TYW1: variants seen among roughly 807,000 people sequenced by gnomAD.
The protein encoded by TYW1 is tRNA-yW synthesizing protein 1 homolog, also known as S-adenosyl-L-methionine-dependent tRNA 4-demethylwyosine synthase TYW1.
In TYW1, 46 loss-of-function variants were observed where a neutral mutation model predicts 96.2. That is an observed-to-expected ratio of 0.48 (90% CI 0.38 to 0.61). The LOEUF (loss-of-function observed/expected upper bound fraction) is 0.61. TYW1 is among the 20% of genes least tolerant of loss of function. The probability of loss-of-function intolerance (pLI) is 0.00; values close to 1 mark genes in which losing one functional copy is unlikely to be tolerated. For missense variants in TYW1, 684 were observed against 909.6 expected (o/e 0.75, Z 3.19); for synonymous variants, 274 against 323.0 (o/e 0.85, Z 1.63).
intron 7 of TYW1, among the ~76,000 whole-genome samples, chr7:67,042,666 C>G (rs943882963): frequency 2.6e-5 from 4 of 151,890 alleles, no homozygotes; most frequent in African/African-American, 9.7e-5. Context: ...AATGGGTTAG[C>G]GGGTGTGGGG....
Position 66,996,868 on chromosome 7 carries a change from A to C in TYW1, c.-111A>C, listed in dbSNP as rs545432650. The C allele has an allele frequency of 4.8e-4, 765 of 1,580,680 alleles. 3 individuals are homozygous for C. The African/African-American group carries it at 8.7e-3, about 18-fold the overall frequency. ...CATGGCTGCCCACAGGTCTGCAGGC[A>C]CTCGGTACGCCGCTAACGCGGCGAG... On this transcript the variant is annotated 5_prime_UTR_variant, in exon 1 of 16. Transcript: ENST00000359626.
intron 6 of TYW1, among the ~76,000 whole-genome samples, chr7:67,022,944 G>C (rs1025612842): frequency 2.0e-5 from 3 of 152,136 alleles, no homozygotes; most frequent in Admixed American, 6.6e-5. Context: ...ATCTGGCACA[G>C]GACAGGCGTG....
intron 7 of TYW1, among the ~76,000 whole-genome samples, chr7:67,043,719 T>C (rs1795099094): frequency 6.6e-6 from 1 of 152,184 alleles, no homozygotes; most frequent in Non-Finnish European, 1.5e-5. Flanking sequence ...ATGGTCTCTG[T>C]AGCTAGGAGC....
intron 13 of TYW1, among the ~76,000 whole-genome samples, chr7:67,128,934 C>T (rs1361402372): frequency 2.0e-5 from 3 of 152,156 alleles, no homozygotes; most frequent in Non-Finnish European, 4.4e-5. Flanking sequence ...AATGATCCAC[C>T]TGCCTTGGCC....
intron 11 of TYW1, among the ~76,000 whole-genome samples, chr7:67,085,240 C>A (rs1162168975): frequency 6.6e-6 from 1 of 152,146 alleles, no homozygotes; most frequent in African/African-American, 2.4e-5. Flanking sequence ...TCCCCTCACC[C>A]AAATCTCATC....
intron 13 of TYW1, among the ~76,000 whole-genome samples, chr7:67,124,568 A>G (rs1481830143): frequency 6.6e-6 from 1 of 152,174 alleles, no homozygotes; most frequent in Admixed American, 6.5e-5. Context: ...GTGAACAACT[A>G]TGCCAACTTT....
intron 15 of TYW1, among the ~76,000 whole-genome samples, chr7:67,229,878 A>G (rs1801692176): frequency 1.3e-5 from 2 of 152,186 alleles, no homozygotes; most frequent in African/African-American, 4.8e-5. Flanking sequence ...CTTGAGCCGA[A>G]GAAGTTGAGG....
At chr7:67,205,182 C>T (rs1800746302) in intron 15 of TYW1, among the ~76,000 whole-genome samples, 1 of 152,168 alleles carries the variant, frequency 6.6e-6, no homozygotes. Flanking sequence ...GAGGGTGTTA[C>T]CTCCTTACTT....
chr7:67,208,656 C>G (rs1800894555), intron 15 of TYW1, among the ~76,000 whole-genome samples: 1 of 145,714 alleles, frequency 6.9e-6, no homozygotes, highest in Admixed American at 7.0e-5. Context: ...CGCCACTGCA[C>G]TCTAGCCAGG....
chr7:67,156,541 T>TGG (rs1449519103), intron 13 of TYW1, among the ~76,000 whole-genome samples: 1 of 152,176 alleles, frequency 6.6e-6, no homozygotes, highest in African/African-American at 2.4e-5. Flanking sequence ...CTTTTCGTCC[T>TGG]GGGAGTAGTC....
chr7:67,100,035 G>A lies in TYW1; in HGVS notation c.1562+1317G>A, dbSNP rs569721300. On this transcript the variant is annotated intron_variant, in intron 12 of 15. Coordinates refer to ENST00000359626, the MANE Select transcript of TYW1 (RefSeq NM_018264.4). ...AAAAGATGCTATTGAAGGATTGCTA[G>A]GTATGATTGGCAAACTGCTTGTATG... Among the ~76,000 whole-genome samples, 18 of 152,192 alleles carry A rather than the reference G, an allele frequency of 1.2e-4. No individual in the cohort carries two copies. In the East Asian group the frequency reaches 3.1e-3, roughly 26 times the overall value.
chr7:67,179,298 G>A (rs1344327390), intron 13 of TYW1, among the ~76,000 whole-genome samples: 2 of 135,902 alleles, frequency 1.5e-5, no homozygotes, highest in African/African-American at 6.0e-5. Context: ...TAATGAATAA[G>A]AAGGCTATCT....
Position 67,009,558 on chromosome 7 carries a change from T to C in TYW1, c.274-25T>C, listed in dbSNP as rs199952980. ...ATATTTGGCTCATTGAAGACTTTAT[T>C]TGATGTTTTTTTTGGTCCTATTAGG... On this transcript the variant is annotated intron_variant, in intron 3 of 15. Transcript: ENST00000359626. 34 of 1,603,166 alleles carry C rather than the reference T, an allele frequency of 2.1e-5. No homozygotes were observed. In the East Asian group the frequency reaches 7.2e-4, roughly 34 times the overall value.
intron 3 of TYW1, among the ~76,000 whole-genome samples, chr7:67,001,459 G>C (rs1793386571): frequency 6.6e-6 from 1 of 151,164 alleles, no homozygotes; most frequent in African/African-American, 2.4e-5. Context: ...GCCTCGCTGT[G>C]TCGCCAGGCT....
chr7:67,135,044 T>C (rs1161405924), intron 13 of TYW1, among the ~76,000 whole-genome samples: 1 of 150,064 alleles, frequency 6.7e-6, no homozygotes, highest in Non-Finnish European at 1.5e-5. Context: ...TCAGTTGAGC[T>C]CAAGAGGCCA....
At chr7:67,169,035 T>G (rs1410654608) in intron 13 of TYW1, among the ~76,000 whole-genome samples, 4 of 152,196 alleles carry the variant, frequency 2.6e-5, no homozygotes, top group Non-Finnish European at 5.9e-5. Flanking sequence ...TCCATTAATT[T>G]GTAACTCTTG....
At chr7:67,147,151 C>G (rs564250425) in intron 13 of TYW1, among the ~76,000 whole-genome samples, 1 of 152,124 alleles carries the variant, frequency 6.6e-6, no homozygotes, top group African/African-American at 2.4e-5. Context: ...ATTCAACCAA[C>G]CACAGATTGA....
chr7:67,104,842 C>G (rs1026877935), intron 12 of TYW1, among the ~76,000 whole-genome samples: 1 of 152,204 alleles, frequency 6.6e-6, no homozygotes, highest in African/African-American at 2.4e-5. Context: ...TAGGAAGGTA[C>G]TGATATATTT....
intron 4 of TYW1, among the ~76,000 whole-genome samples, chr7:67,011,236 CTGTG>C (rs1411941679): frequency 1.3e-5 from 2 of 152,200 alleles, no homozygotes; most frequent in African/African-American, 4.8e-5. Flanking sequence ...TGGGGTTTCA[CTGTG>C]TTGGCCAGGC....
Sources: allele counts gnomAD v4.1 joint callset (sites outside exome capture counted in the v4.1 genomes callset), GRCh38; gene constraint gnomAD v4.1.1; transcripts MANE v1.5; gene names NCBI Gene and HGNC (gene_info 2026-07-23, HGNC 2026-07-21).